TMPRSS7: variants seen among roughly 807,000 people sequenced by gnomAD.
TMPRSS7 encodes transmembrane serine protease 7, also known as transmembrane protease serine 7.
A neutral mutation model predicts 95.6 loss-of-function variants in TMPRSS7; 81 were observed. The ratio of observed to expected loss-of-function variants is 0.85; its 90% CI spans 0.71 to 1.02. The LOEUF (loss-of-function observed/expected upper bound fraction) is 1.02, where lower values mean the gene tolerates loss of function less well. Among genes scored for constraint, TMPRSS7 ranks in the 50% least tolerant of loss-of-function variants. The pLI is 0.00. For missense variants in TMPRSS7, 945 were observed against 955.2 expected (o/e 0.99, Z 0.14); for synonymous variants, 364 against 337.8 (o/e 1.08, Z -0.85).
At chr3:112,078,970 G>A in intron 17 of TMPRSS7, 92 bp downstream of exon 17, 1 of 1,443,294 alleles carries the variant, frequency 6.9e-7, no homozygotes, top group Non-Finnish European at 9.4e-7. Context: ...AATAACCAGG[G>A]CAGGTATTTC....
intron 12 of TMPRSS7, among the ~76,000 whole-genome samples, chr3:112,064,608 C>A (rs1458592456): frequency 6.6e-6 from 1 of 152,196 alleles, no homozygotes; most frequent in African/African-American, 2.4e-5. Context: ...AGCATTCTGA[C>A]CACCTTGGCC....
At chr3:112,076,837 T>C (rs780117594) in intron 15 of TMPRSS7, 39 bp from the exon 16 acceptor site, 1 of 1,596,388 alleles carries the variant, frequency 6.3e-7, no homozygotes, top group Admixed American at 1.7e-5. Flanking sequence ...ATGTGGTTCT[T>C]TAAGCTGCTA....
At chr3:112,073,180 C>T (rs2073671716) in intron 13 of TMPRSS7, among the ~76,000 whole-genome samples, 1 of 151,788 alleles carries the variant, frequency 6.6e-6, no homozygotes, top group South Asian at 2.1e-4. Context: ...CAACTTCCAC[C>T]TCCCGGGTTC....
intron 17 of TMPRSS7, 144 bp downstream of exon 17, chr3:112,079,022 A>G (rs534182324): frequency 1.2e-5 from 11 of 933,052 alleles, no homozygotes; most frequent in Admixed American, 1.2e-4. Flanking sequence ...TTATCATCCA[A>G]TTGCCTAAGA....
chr3:112,073,888 C>T (rs1285826071), intron 13 of TMPRSS7, among the ~76,000 whole-genome samples: 1 of 152,228 alleles, frequency 6.6e-6, no homozygotes. Flanking sequence ...TTGTAATTCA[C>T]AAGTCTGTCC....
At chr3:112,051,932 T>C (rs1026599581) in intron 9 of TMPRSS7, among the ~76,000 whole-genome samples, 2 of 152,096 alleles carry the variant, frequency 1.3e-5, no homozygotes, top group African/African-American at 4.8e-5. Flanking sequence ...TTATTCAACA[T>C]ATTATTGAAT....
chr3:112,037,541 T>C (rs377081553), intron 1 of TMPRSS7, among the ~76,000 whole-genome samples: 142 of 152,344 alleles, frequency 9.3e-4, no homozygotes, highest in Non-Finnish European at 1.3e-3. Context: ...GACCTTGTGA[T>C]CTTGCTCTGA....
At chr3:112,038,594 C>T (rs2073173748) in intron 2 of TMPRSS7, among the ~76,000 whole-genome samples, 1 of 152,010 alleles carries the variant, frequency 6.6e-6, no homozygotes, top group Non-Finnish European at 1.5e-5. Context: ...CCTCAGCCTC[C>T]CGAGTAGCTG....
At chr3:112,071,629 GA>G in intron 13 of TMPRSS7, among the ~76,000 whole-genome samples, 1 of 152,244 alleles carries the variant, frequency 6.6e-6, no homozygotes, top group East Asian at 1.9e-4. Flanking sequence ...ATATTTCTTG[GA>G]GACCTTGTTC....
chr3:112,040,294 T>C (rs1234426575), intron 2 of TMPRSS7, among the ~76,000 whole-genome samples: 1 of 152,252 alleles, frequency 6.6e-6, no homozygotes, highest in African/African-American at 2.4e-5. Context: ...ATGCATTTTC[T>C]ACTTTCAGAA....
Sources: allele counts gnomAD v4.1 joint callset (sites outside exome capture counted in the v4.1 genomes callset), GRCh38; gene constraint gnomAD v4.1.1; transcripts MANE v1.5; gene names NCBI Gene and HGNC (gene_info 2026-07-23, HGNC 2026-07-21).